Variants in RTN4IP1 observed in about 807,000 individuals in gnomAD.
RTN4IP1 encodes the protein NAD(P)H oxidoreductase RTN4IP1, mitochondrial.
Under a neutral mutation model 46.6 loss-of-function variants are expected in RTN4IP1, and 32 were observed. That is an observed-to-expected ratio of 0.69 (90% confidence interval 0.52 to 0.92). RTN4IP1 has a LOEUF of 0.92. RTN4IP1 is among the 40% of genes least tolerant of loss of function. The pLI, the probability that RTN4IP1 is intolerant of heterozygous loss-of-function variation, is 0.00. For synonymous variants in RTN4IP1, 167 were observed against 161.8 expected, an observed-to-expected ratio of 1.03 and a Z score of -0.24; for missense variants, 424 against 485.8, an observed-to-expected ratio of 0.87 and a Z score of 1.20.
chr6:106,623,326 G>A (rs542898867), intron 1 of RTN4IP1, among the ~76,000 whole-genome samples: 216 of 152,286 alleles, frequency 1.4e-3, no homozygotes, highest in African/African-American at 5.1e-3. Flanking sequence ...TAAAGTGGGA[G>A]CTAAATGATG....
chr6:106,628,340 G>A (rs961405147), intron 1 of RTN4IP1, among the ~76,000 whole-genome samples: 2 of 151,786 alleles, frequency 1.3e-5, no homozygotes, highest in Admixed American at 1.3e-4. Flanking sequence ...GGTGGCATGC[G>A]CCTGTAATCC....
intron 8 of RTN4IP1, among the ~76,000 whole-genome samples, chr6:106,580,014 A>G (rs577650074): frequency 6.6e-6 from 1 of 151,866 alleles, no homozygotes; most frequent in Admixed American, 6.5e-5. Context: ...GGAAATCGAA[A>G]CCATCCTGGC....
rs760835047 is a variant in RTN4IP1, at chr6:106,572,024, C to T, written c.1163G>A (p.Arg388Gln). 4 of 1,613,138 alleles carry T rather than the reference C, an allele frequency of 2.5e-6. No individual in the cohort carries two copies. The highest frequency in any genetic ancestry group is 1.7e-4 in the Middle Eastern group (1 of 6,060). ...AFLKVERGHA[R>Q]GKTVINVV ...AACAACATTAATTACAGTCTTTCCT[C>T]GTGCGTGTCCTCTTTCCACCTTCAG... The change falls in exon 9 of 9, where the codon CGA becomes CAA. Residue 388 changes from arginine (R) to glutamine (Q), a missense_variant. Physicochemically the swap from Arg to Gln is conservative, Grantham distance 43. Transcript: ENST00000369063.
intron 4 of RTN4IP1, among the ~76,000 whole-genome samples, chr6:106,609,669 C>A (rs1375268914): frequency 6.6e-6 from 1 of 152,236 alleles, no homozygotes; most frequent in East Asian, 1.9e-4. Context: ...AAAATAATTT[C>A]TAATTCTCTC....
At chr6:106,623,309 A>G (rs573996093) in intron 1 of RTN4IP1, among the ~76,000 whole-genome samples, 1 of 152,338 alleles carries the variant, frequency 6.6e-6, no homozygotes, top group Non-Finnish European at 1.5e-5. Flanking sequence ...ACACAGGAAC[A>G]GAAAACTAAA....
intron 5 of RTN4IP1, among the ~76,000 whole-genome samples, chr6:106,594,082 G>T (rs995881036): frequency 2.6e-5 from 4 of 152,108 alleles, no homozygotes; most frequent in Admixed American, 6.5e-5. Flanking sequence ...CAAATTTCTG[G>T]TTTTTCCCCT....
chr6:106,625,661 C>CTTTTTTTT (rs773454257), intron 1 of RTN4IP1, among the ~76,000 whole-genome samples: 62 of 112,788 alleles, frequency 5.5e-4, no homozygotes, highest in Middle Eastern at 4.6e-3. Context: ...TCTTTTTTTT[C>CTTTTTTTT]TTTTTTTTTT....
chr6:106,598,309 C>A (rs200676554), intron 5 of RTN4IP1, among the ~76,000 whole-genome samples: 11,053 of 152,192 alleles, frequency 0.073, 587 homozygotes, highest in East Asian at 0.2. Flanking sequence ...TACAGTCCCA[C>A]CAACAGTGTA....
At chr6:106,624,469 C>A (rs1421895605) in intron 1 of RTN4IP1, among the ~76,000 whole-genome samples, 1 of 151,930 alleles carries the variant, frequency 6.6e-6, no homozygotes, top group African/African-American at 2.4e-5. Flanking sequence ...CATGCCTCAA[C>A]CTCTGGAGTA....
At chr6:106,615,225 A>G (rs1776319911) in intron 4 of RTN4IP1, among the ~76,000 whole-genome samples, 1 of 152,144 alleles carries the variant, frequency 6.6e-6, no homozygotes, top group Non-Finnish European at 1.5e-5. Context: ...TGGGGTGAAG[A>G]AAAGGCCTTA....
intron 5 of RTN4IP1, among the ~76,000 whole-genome samples, chr6:106,600,308 A>G (rs961942934): frequency 1.3e-5 from 2 of 151,740 alleles, no homozygotes; most frequent in African/African-American, 4.8e-5. Context: ...TCCCTCTTCT[A>G]GGAGCCAGTC....
At chr6:106,591,575 A>T (rs6919137) in intron 6 of RTN4IP1, among the ~76,000 whole-genome samples, 21,073 of 151,988 alleles carry the variant, frequency 0.14, 1,651 homozygotes, top group African/African-American at 0.2. Flanking sequence ...TCTCAGCTTC[A>T]GCTTGGTCTT....
At chr6:106,597,189 T>C (rs1437297280) in intron 5 of RTN4IP1, among the ~76,000 whole-genome samples, 2 of 152,214 alleles carry the variant, frequency 1.3e-5, no homozygotes, top group Non-Finnish European at 2.9e-5. Context: ...TAATTTCAAA[T>C]CATTTAATTT....
chr6:106,619,606 A>ATTTTTTTTTTTTTTT (rs869120910), intron 3 of RTN4IP1, among the ~76,000 whole-genome samples: 1 of 110,474 alleles, frequency 9.1e-6, no homozygotes, highest in Non-Finnish European at 1.8e-5. Flanking sequence ...ACTTTTCTTC[A>ATTTTTTTTTTTTTTT]TTTTTTTTTT....
chr6:106,629,591 G>C, upstream of RTN4IP1: 1 of 1,491,766 alleles, frequency 6.7e-7, no homozygotes, highest in Non-Finnish European at 9.1e-7. Context: ...GACAATTAAA[G>C]ATGGCTGCGC....
intron 1 of RTN4IP1, among the ~76,000 whole-genome samples, chr6:106,627,893 C>T (rs1185058824): frequency 6.9e-6 from 1 of 144,952 alleles, no homozygotes; most frequent in Non-Finnish European, 1.5e-5. Flanking sequence ...CACAGTGAAA[C>T]TCCCGTTTCT....
chr6:106,571,555 TGG>T lies in RTN4IP1; in HGVS notation c.*439_*440del, dbSNP rs1582850372. ...CTACTAAAAATACAAAAAAACTAGC[TGG>T]GTGTGGTGATGCATACCTGTAGTCC... On this transcript the variant is annotated 3_prime_UTR_variant, in exon 9 of 9. Coordinates refer to ENST00000369063, the MANE Select transcript of RTN4IP1 (RefSeq NM_032730.5). 1 of 154,922 alleles carries T rather than the reference TGG, an allele frequency of 6.5e-6. No individual in the cohort carries two copies. Among genetic ancestry groups the T allele is most frequent in the African/African-American group, 2.4e-5 (1 of 41,448 alleles). 9.6% of individuals were successfully genotyped at this position (154,922 alleles called of 1,614,324 possible).
intron 5 of RTN4IP1, among the ~76,000 whole-genome samples, chr6:106,593,613 C>T (rs1775715501): frequency 6.6e-6 from 1 of 152,162 alleles, no homozygotes; most frequent in Admixed American, 6.5e-5. Flanking sequence ...ACTATTGAAT[C>T]CCTACTCCAT....
intron 8 of RTN4IP1, among the ~76,000 whole-genome samples, chr6:106,576,613 C>T (rs529108025): frequency 5.9e-5 from 9 of 152,306 alleles, no homozygotes; most frequent in Middle Eastern, 3.4e-3. Context: ...CTATTCAAGA[C>T]GGACCTGGGA....
Sources: gnomAD v4.1 joint callset for allele counts (sites outside exome capture counted in the v4.1 genomes callset) on GRCh38, gnomAD v4.1.1 for gene constraint, MANE v1.5 for transcripts, NCBI Gene and HGNC (gene_info 2026-07-23, HGNC 2026-07-21) for gene names.